Variants in MEGF10 observed in about 807,000 individuals in gnomAD.
The protein encoded by MEGF10 is multiple epidermal growth factor-like domains protein 10.
MEGF10 carries 86 observed loss-of-function variants against 147.5 expected under a neutral mutation model. That is an observed-to-expected ratio of 0.58 (90% CI 0.49 to 0.70). The LOEUF is 0.70. Ranked by LOEUF, MEGF10 falls within the 30% of genes least tolerant of loss-of-function variation. The pLI, the probability that MEGF10 is intolerant of heterozygous loss-of-function variation, is 0.00. For synonymous variants in MEGF10, 478 were observed against 525.5 expected, an observed-to-expected ratio of 0.91 and a Z score of 1.24; for missense variants, 1,329 against 1,487.3, an observed-to-expected ratio of 0.89 and a Z score of 1.75.
chr5:127,280,155 A>G, the MEGF10 span, among the ~76,000 whole-genome samples: 1 of 152,256 alleles, frequency 6.6e-6, no homozygotes, highest in East Asian at 1.9e-4. Context: ...AACATACAAA[A>G]TTTTTTTATA....
chr5:127,420,134 C>A lies in MEGF10; in HGVS notation c.1517C>A (p.Ala506Asp). 6.2e-7 allele frequency: 1 copy of A among 1,614,180 alleles called. No homozygotes were observed. Among genetic ancestry groups the A allele is most frequent in the Non-Finnish European group, 8.5e-7 (1 of 1,180,026 alleles). The change falls in exon 12 of 25, where the codon GCC (alanine) becomes GAC (aspartate). Residue 506 changes from alanine (A) to aspartate (D), a missense_variant. This residue lies in a region of MEGF10 where 980 missense variants were observed against 1,085.9 expected (regional missense o/e 0.90). Transcript: ENST00000503335. Reference sequence around the variant, plus strand: ...ACATGCCAGTGCCTCAACGGGGGAGCCTGCAACACCCTGGACGGGACCTGC... The same window carrying A: ...ACATGCCAGTGCCTCAACGGGGGAGACTGCAACACCCTGGACGGGACCTGC... The part of the protein sequence containing the change: ...NLTCQCLNGG[A>D]CNTLDGTCTC...
At chr5:127,389,844 T>A (rs1347050684) in intron 5 of MEGF10, among the ~76,000 whole-genome samples, 2 of 152,122 alleles carry the variant, frequency 1.3e-5, no homozygotes, top group African/African-American at 2.4e-5. Context: ...ACTTGGGTGA[T>A]GAAATAATCT....
At chr5:127,351,669 C>A (rs1193469360) in intron 4 of MEGF10, among the ~76,000 whole-genome samples, 1 of 152,146 alleles carries the variant, frequency 6.6e-6, no homozygotes, top group African/African-American at 2.4e-5. Context: ...AGTTTTTACC[C>A]TTCTGCTCCA....
At chr5:127,370,201 A>C (rs1762801573) in intron 5 of MEGF10, among the ~76,000 whole-genome samples, 199 bp downstream of exon 5, 1 of 152,242 alleles carries the variant, frequency 6.6e-6, no homozygotes, top group Non-Finnish European at 1.5e-5. Context: ...AGTATAAAGA[A>C]AAGTTCTTGG....
At chr5:127,370,030 T>G (rs372522407) in intron 5 of MEGF10, 28 bp downstream of exon 5, 4 of 1,590,794 alleles carry the variant, frequency 2.5e-6, no homozygotes, top group Non-Finnish European at 3.4e-6. Flanking sequence ...GTTGTCTGTC[T>G]CGGGATGTTT....
intron 4 of MEGF10, among the ~76,000 whole-genome samples, chr5:127,349,634 A>G (rs2126817200): frequency 6.6e-6 from 1 of 151,676 alleles, no homozygotes; most frequent in African/African-American, 2.4e-5. Context: ...CCGTAACCAT[A>G]ATGTCCTTGA....
chr5:127,422,638 C>T (rs1351392508), intron 12 of MEGF10, 32 bp from the exon 13 acceptor site: 2 of 1,570,942 alleles, frequency 1.3e-6, no homozygotes, highest in South Asian at 1.1e-5. Flanking sequence ...CCCAGGCCCT[C>T]ATTGCTGCCT....
the MEGF10 span, among the ~76,000 whole-genome samples, chr5:127,249,767 AATTT>A: frequency 4.6e-5 from 7 of 152,006 alleles, no homozygotes; most frequent in African/African-American, 9.7e-5. Context: ...AAAGAATAAA[AATTT>A]ATTTATTGCC....
intron 13 of MEGF10, among the ~76,000 whole-genome samples, chr5:127,423,947 C>T (rs1765119563): frequency 6.6e-6 from 1 of 152,104 alleles, no homozygotes; most frequent in East Asian, 1.9e-4. Flanking sequence ...AAAACATTGC[C>T]TGATCCAAGG....
chr5:127,403,866 C>T (rs1257804443), intron 8 of MEGF10, among the ~76,000 whole-genome samples: 1 of 152,152 alleles, frequency 6.6e-6, no homozygotes, highest in Non-Finnish European at 1.5e-5. Flanking sequence ...AGGTTGCTTC[C>T]AAATCTTAGC....
chr5:127,395,746 G>A (rs1180702023), intron 5 of MEGF10, among the ~76,000 whole-genome samples: 10 of 151,930 alleles, frequency 6.6e-5, no homozygotes, highest in South Asian at 2.1e-4. Context: ...GGGTTTCACC[G>A]TGTTAGCCAG....
intron 4 of MEGF10, among the ~76,000 whole-genome samples, chr5:127,360,300 T>C (rs890229830): frequency 6.6e-6 from 1 of 152,038 alleles, no homozygotes; most frequent in Non-Finnish European, 1.5e-5. Context: ...TGCTAATATA[T>C]AGAAATATAA....
the MEGF10 span, among the ~76,000 whole-genome samples, chr5:127,253,234 T>C: frequency 1.3e-5 from 2 of 151,986 alleles, no homozygotes; most frequent in African/African-American, 4.8e-5. Flanking sequence ...CAGGGATTAT[T>C]CTAAATTCTG....
At chr5:127,346,723 C>T (rs912986331) in intron 4 of MEGF10, among the ~76,000 whole-genome samples, 3 of 151,924 alleles carry the variant, frequency 2.0e-5, no homozygotes, top group Non-Finnish European at 2.9e-5. Flanking sequence ...TAATTAAGTC[C>T]CATCTATTTA....
chr5:127,370,192 G>T (rs1274709486), intron 5 of MEGF10, among the ~76,000 whole-genome samples, 190 bp downstream of exon 5: 1 of 152,194 alleles, frequency 6.6e-6, no homozygotes, highest in Non-Finnish European at 1.5e-5. Flanking sequence ...CGTTAATTAA[G>T]TATAAAGAAA....
intron 5 of MEGF10, among the ~76,000 whole-genome samples, chr5:127,393,670 C>T (rs1763790605): frequency 6.6e-6 from 1 of 152,162 alleles, no homozygotes; most frequent in Non-Finnish European, 1.5e-5. Flanking sequence ...GAAAACATGT[C>T]ATCATGCTTG....
At chr5:127,237,598 G>C in the MEGF10 span, among the ~76,000 whole-genome samples, 1 of 152,198 alleles carries the variant, frequency 6.6e-6, no homozygotes, top group Non-Finnish European at 1.5e-5. Context: ...TTTGTTTTGG[G>C]TATGGGTAGG....
At chr5:127,287,545 C>T (rs1212945560), upstream of MEGF10, among the ~76,000 whole-genome samples, 2 of 151,728 alleles carry the variant, frequency 1.3e-5, no homozygotes, top group Non-Finnish European at 2.9e-5. Context: ...GTAATACTGC[C>T]ATGTTCAAAG....
At chr5:127,335,859 G>A (rs1046131083) in intron 2 of MEGF10, among the ~76,000 whole-genome samples, 2 of 151,628 alleles carry the variant, frequency 1.3e-5, no homozygotes, top group African/African-American at 4.8e-5. Context: ...TTTTAAAAAT[G>A]TGTTTTCCAA....
Sources: gnomAD v4.1 joint callset for allele counts (sites outside exome capture counted in the v4.1 genomes callset) on GRCh38, gnomAD v4.1.1 for gene constraint, gnomAD v4.1.1 regional missense constraint, MANE v1.5 for transcripts, NCBI Gene and HGNC (gene_info 2026-07-23, HGNC 2026-07-21) for gene names.